The following POF1B variants were observed in gnomAD, a reference collection of about 807,000 sequenced individuals.
POF1B encodes the protein POF1B actin binding protein.
In POF1B, 53 loss-of-function variants were observed where a neutral mutation model predicts 55.3. The ratio of observed to expected loss-of-function variants is 0.96; its 90% confidence interval spans 0.77 to 1.20. The LOEUF (loss-of-function observed/expected upper bound fraction) is 1.20, where lower values mean the gene tolerates loss of function less well. Ranked by LOEUF, POF1B falls within the 50% of genes most tolerant of loss-of-function variation. The pLI is 0.00. For missense variants in POF1B, 478 were observed against 420.5 expected, an observed-to-expected ratio of 1.14 and a Z score of -1.20; for synonymous variants, 188 against 148.3, an observed-to-expected ratio of 1.27 and a Z score of -1.95.
intron 2 of POF1B, among the ~76,000 whole-genome samples, chrX:85,370,320 T>C (rs985592203): frequency 8.9e-6 from 1 of 112,023 alleles, no homozygotes; most frequent in African/African-American, 3.2e-5. Context: ...ATTAAGTCCA[T>C]AGATTATAAT....
chrX:85,323,866 C>G (rs751160053), intron 7 of POF1B, among the ~76,000 whole-genome samples: 1 of 111,137 alleles, frequency 9.0e-6, no homozygotes, highest in South Asian at 3.8e-4. Flanking sequence ...CTATAAACTT[C>G]CCTTATAACA....
At chrX:85,326,297 C>T (rs1228347521) in intron 7 of POF1B, among the ~76,000 whole-genome samples, 1 of 111,748 alleles carries the variant, frequency 8.9e-6, no homozygotes, top group African/African-American at 3.3e-5. Flanking sequence ...AGGTATCAGG[C>T]TCCGCCAGTG....
At chrX:85,310,874 A>G (rs139787544) in intron 9 of POF1B, among the ~76,000 whole-genome samples, 181 of 112,242 alleles carry the variant, frequency 1.6e-3, no homozygotes, top group African/African-American at 5.3e-3. Context: ...GGGAATAACA[A>G]TTCAAATGAC....
intron 6 of POF1B, 86 bp from the exon 7 acceptor site, chrX:85,331,165 A>G (rs1932972479): frequency 6.1e-6 from 6 of 976,735 alleles, no homozygotes; most frequent in Non-Finnish European, 8.2e-6. Flanking sequence ...AAGAAAGATA[A>G]CCTACTAAAG....
In POF1B at chrX:85,342,272, G is replaced by C. The variant is rs1365152568; in HGVS notation, c.723+3588C>G. Among the ~76,000 whole-genome samples, 3 of 111,684 alleles carry C rather than the reference G, an allele frequency of 2.7e-5. No individual in the cohort carries two copies. The Admixed American group carries it at 2.8e-4, about 11-fold the overall frequency. On this transcript the variant is annotated intron_variant, in intron 6 of 16. Transcript: ENST00000262753. ...AAAATATTTTAAAGTCACAGTTTTA[G>C]ATATCTGATTTTGAAAAATATTTTT...
chrX:85,356,251 T>C (rs1161904075), intron 4 of POF1B, among the ~76,000 whole-genome samples: 2 of 106,127 alleles, frequency 1.9e-5, no homozygotes, highest in Non-Finnish European at 3.9e-5. Context: ...TAGGTGGGAA[T>C]TGAACAATGA....
At chrX:85,359,019 T>G (rs1176739477) in intron 4 of POF1B, among the ~76,000 whole-genome samples, 2 of 111,192 alleles carry the variant, frequency 1.8e-5, no homozygotes, top group Non-Finnish European at 3.8e-5. Flanking sequence ...AGGATTTATA[T>G]CTCAGTAAAA....
chrX:85,355,692 A>C (rs1279252517), intron 4 of POF1B, among the ~76,000 whole-genome samples: 2 of 111,705 alleles, frequency 1.8e-5, no homozygotes, highest in African/African-American at 3.3e-5. Flanking sequence ...TATGCAGCCA[A>C]AAAACACATG....
chrX:85,360,983 T>C (rs1187062060), intron 3 of POF1B, among the ~76,000 whole-genome samples: 1 of 111,505 alleles, frequency 9.0e-6, no homozygotes, highest in Non-Finnish European at 1.9e-5. Context: ...ATCAGTGATA[T>C]TGAGTTTCTT....
At chrX:85,354,158 A>T (rs1456917652) in intron 4 of POF1B, among the ~76,000 whole-genome samples, 6 of 111,239 alleles carry the variant, frequency 5.4e-5, no homozygotes, top group African/African-American at 2.0e-4. Context: ...ATCAGGTAAG[A>T]TCATGTGTTT....
At chrX:85,370,410 C>T (rs1357335881) in intron 2 of POF1B, among the ~76,000 whole-genome samples, 1 of 111,452 alleles carries the variant, frequency 9.0e-6, no homozygotes, top group Non-Finnish European at 1.9e-5. Flanking sequence ...TCCCACGCAA[C>T]CCTCATGGAA....
intron 15 of POF1B, among the ~76,000 whole-genome samples, chrX:85,287,800 T>G: frequency 8.9e-6 from 1 of 111,761 alleles, no homozygotes; most frequent in Middle Eastern, 4.6e-3. Flanking sequence ...AAGAAATGTA[T>G]AGGCTAATAT....
intron 3 of POF1B, among the ~76,000 whole-genome samples, chrX:85,367,083 G>A (rs764867351): frequency 2.7e-5 from 3 of 110,507 alleles, no homozygotes; most frequent in South Asian, 3.9e-4. Context: ...CTCCTCTTTC[G>A]TGTAACAACA....
chrX:85,289,821 G>C (rs918314284), intron 15 of POF1B, among the ~76,000 whole-genome samples: 1 of 111,078 alleles, frequency 9.0e-6, no homozygotes, highest in Non-Finnish European at 1.9e-5. Context: ...AACAGGGATC[G>C]GTATCCAGAG....
intron 16 of POF1B, 61 bp from the exon 17 acceptor site, chrX:85,279,487 T>C (rs1258254853): frequency 9.5e-7 from 1 of 1,049,260 alleles, no homozygotes; most frequent in African/African-American, 1.9e-5. Flanking sequence ...ATTGTTACTA[T>C]ATGCAAAGTT....
chrX:85,335,537 G>GTC (rs60911388), intron 6 of POF1B, among the ~76,000 whole-genome samples: 26,878 of 109,561 alleles, frequency 0.25, 3,132 homozygotes, highest in African/African-American at 0.45. Flanking sequence ...TAAATAATTG[G>GTC]TCTCCTTATT....
At chrX:85,298,806 T>C (rs1932370209) in intron 15 of POF1B, among the ~76,000 whole-genome samples, 1 of 111,254 alleles carries the variant, frequency 9.0e-6, no homozygotes, top group Admixed American at 9.6e-5. Context: ...CAGTGGCTCA[T>C]GCCTGTAACC....
intron 3 of POF1B, among the ~76,000 whole-genome samples, chrX:85,367,324 A>G: frequency 9.0e-6 from 1 of 111,403 alleles, no homozygotes; most frequent in Admixed American, 9.6e-5. Context: ...GTTAGTTATG[A>G]CCCTATAAGT....
chrX:85,363,869 G>C (rs750180536), intron 3 of POF1B, among the ~76,000 whole-genome samples: 4 of 111,030 alleles, frequency 3.6e-5, no homozygotes, highest in Non-Finnish European at 7.6e-5. Context: ...CACTATTATC[G>C]CATGGGAGTC....
Sources: gnomAD v4.1 joint callset for allele counts (sites outside exome capture counted in the v4.1 genomes callset) on GRCh38, gnomAD v4.1.1 for gene constraint, MANE v1.5 for transcripts, NCBI Gene and HGNC (gene_info 2026-07-23, HGNC 2026-07-21) for gene names.